COLEC11: variants seen among roughly 807,000 people sequenced by gnomAD.
The protein encoded by COLEC11 is collectin subfamily member 11, also known as collectin-11.
Under a neutral mutation model 27.3 loss-of-function variants are expected in COLEC11, and 20 were observed. The observed-to-expected ratio is 0.73, with a 90% CI of 0.51 to 1.06. The LOEUF (loss-of-function observed/expected upper bound fraction) is 1.06. Ranked by LOEUF, COLEC11 falls within the 50% of genes least tolerant of loss-of-function variation. The pLI, the probability that COLEC11 is intolerant of heterozygous loss-of-function variation, is 0.00. For synonymous variants in COLEC11, 163 were observed against 154.7 expected, an observed-to-expected ratio of 1.05 and a Z score of -0.40; for missense variants, 310 against 383.0, an observed-to-expected ratio of 0.81 and a Z score of 1.59.
intron 2 of COLEC11, chr2:3,606,197 G>A (rs1394551639): frequency 6.5e-7 from 1 of 1,550,384 alleles, no homozygotes; most frequent in African/African-American, 1.4e-5. Context: ...GCCCAATGTG[G>A]TGGGTGCCTC....
chr2:3,630,173 ATGTC>A (rs1664888464), intron 3 of COLEC11, among the ~76,000 whole-genome samples: 1 of 152,082 alleles, frequency 6.6e-6, no homozygotes, highest in Non-Finnish European at 1.5e-5. Context: ...ATGCATATAG[ATGTC>A]TGTGCATGCA....
At chr2:3,641,632 C>G (rs1277462422) in intron 5 of COLEC11, among the ~76,000 whole-genome samples, 1 of 152,190 alleles carries the variant, frequency 6.6e-6, no homozygotes, top group Non-Finnish European at 1.5e-5. Context: ...CAAATTTTAT[C>G]TTAGATAAAA....
intron 3 of COLEC11, among the ~76,000 whole-genome samples, chr2:3,631,115 C>T (rs1245990870): frequency 2.6e-5 from 4 of 151,980 alleles, no homozygotes; most frequent in Non-Finnish European, 5.9e-5. Flanking sequence ...CCTGTAATCC[C>T]AACTACTCAG....
In COLEC11 at chr2:3,606,211, G is replaced by T. The variant is rs1039887039; in HGVS notation, c.130+1741G>T. ...TGCCCAATGTGGTGGGTGCCTCCGA[G>T]TCCCTACGGTTGTCTTCCCTGCGCC... On this transcript the variant is annotated intron_variant, in intron 2 of 6. Transcript: ENST00000349077. The T allele has an allele frequency of 1.9e-6, 3 of 1,550,404 alleles. No individual in the cohort carries two copies. In the African/African-American group the frequency reaches 4.1e-5, roughly 21 times the overall value.
intron 2 of COLEC11, among the ~76,000 whole-genome samples, chr2:3,610,366 G>A (rs1663092659): frequency 6.6e-6 from 1 of 152,244 alleles, no homozygotes; most frequent in Non-Finnish European, 1.5e-5. Context: ...TACGAGTACT[G>A]ATGGAGCACC....
At chr2:3,621,783 CAACTT>C (rs1292259758) in intron 3 of COLEC11, among the ~76,000 whole-genome samples, 7 of 152,200 alleles carry the variant, frequency 4.6e-5, no homozygotes, top group Admixed American at 3.3e-4. Flanking sequence ...AAACTAATAA[CAACTT>C]AACTTTGATC....
rs1049813611 is a variant in COLEC11, at chr2:3,605,005, G to T, written c.130+535G>T. 60 of 469,762 alleles carry T rather than the reference G, an allele frequency of 1.3e-4. No individual in the cohort carries two copies. The Admixed American group carries it at 1.4e-3, about 11-fold the overall frequency. 29.1% of individuals were successfully genotyped at this position (469,762 alleles called of 1,614,324 possible). A position where few individuals can be genotyped will look rare whatever the true frequency, so the allele number is the denominator to read the frequency against. The stretch of plus-strand genomic sequence containing the variant: ...TTGCTTTGTCTGTAATCTGCTCCCG[G>T]ATAGAGATAGTTCTGCAGGTGAGGC... On this transcript the variant is annotated intron_variant, in intron 2 of 6. Coordinates refer to ENST00000349077, the MANE Select transcript of COLEC11 (RefSeq NM_024027.5).
intron 1 of COLEC11, chr2:3,603,583 C>T: frequency 2.6e-6 from 4 of 1,521,680 alleles, no homozygotes; most frequent in Non-Finnish European, 3.6e-6. Context: ...TCCCAAAGTG[C>T]TGGAATTACA....
intron 3 of COLEC11, among the ~76,000 whole-genome samples, chr2:3,615,922 C>T (rs1198197054): frequency 1.1e-4 from 11 of 99,522 alleles, no homozygotes; most frequent in African/African-American, 1.6e-4. Context: ...CCCTCCCGGA[C>T]GGGGGGGCTG....
At chr2:3,622,792 T>C (rs1664274253) in intron 3 of COLEC11, among the ~76,000 whole-genome samples, 1 of 152,162 alleles carries the variant, frequency 6.6e-6, no homozygotes, top group African/African-American at 2.4e-5. Flanking sequence ...TCTAGAACTG[T>C]AAAAAAGAAT....
At chr2:3,620,701 G>T (rs1263076547) in intron 3 of COLEC11, among the ~76,000 whole-genome samples, 1 of 151,910 alleles carries the variant, frequency 6.6e-6, no homozygotes, top group Non-Finnish European at 1.5e-5. Context: ...TTTCCTCTTA[G>T]AATATCTTTT....
rs576789251 is a variant in COLEC11, at chr2:3,598,411, C to T, written c.-27+3243C>T. On this transcript the variant is annotated intron_variant, in intron 1 of 6. Transcript: ENST00000349077. ...TATTTGCGATGCAATTGTGAACTTT[C>T]GTTCTGTTGTTTGTTCCTTTATTTA... 1.8e-4 allele frequency among the ~76,000 whole-genome samples: 28 copies of T among 152,370 alleles called. 3 individuals carry two copies. In the South Asian group the frequency reaches 5.2e-3, roughly 28 times the overall value.
intron 1 of COLEC11, among the ~76,000 whole-genome samples, chr2:3,603,074 G>A (rs1662354399): frequency 6.6e-6 from 1 of 152,242 alleles, no homozygotes; most frequent in Admixed American, 6.5e-5. Context: ...AGGCTGCCAG[G>A]AAGTATCCGG....
rs1666116101 is a variant in COLEC11 at position 3,644,366 on chromosome 2, T to C, written c.*248T>C. On this transcript the variant is annotated 3_prime_UTR_variant, in exon 7 of 7. Transcript: ENST00000349077. ...GTATTGTAGCCCCAATGTCATTATG[T>C]AATTATTACCCAGAATTGCTCTTCC... The C allele has an allele frequency of 1.5e-6, 1 of 672,810 alleles. No homozygotes were observed. The highest frequency in any genetic ancestry group is 2.0e-5 in the Admixed American group (1 of 48,920). The allele number at this position is 672,810 out of a possible 1,614,324, so 41.7% of individuals were successfully genotyped here.
At chr2:3,639,512 A>G (rs1013948702) in intron 4 of COLEC11, among the ~76,000 whole-genome samples, 8 of 152,224 alleles carry the variant, frequency 5.3e-5, no homozygotes, top group African/African-American at 1.7e-4. Context: ...TTCCCTCCTT[A>G]TGCGAATGGA....
At position 3,602,888 on chromosome 2, in the gene COLEC11, A is replaced by C; in HGVS notation, c.-26-1427A>C. 6.6e-6 allele frequency among the ~76,000 whole-genome samples: 1 copy of C among 151,006 alleles called. No individual in the cohort carries two copies. The highest frequency in any genetic ancestry group is 1.5e-5 in the Non-Finnish European group (1 of 67,764). Reference sequence around the variant, plus strand: ...TGTCCCGGCCACTGGACTCTGCCTCACTCTTCCCCACGGCGCTTACCCCTG... The same window carrying C: ...TGTCCCGGCCACTGGACTCTGCCTCCCTCTTCCCCACGGCGCTTACCCCTG... On this transcript the variant is annotated intron_variant, in intron 1 of 6. Coordinates refer to ENST00000349077, the MANE Select transcript of COLEC11 (RefSeq NM_024027.5). The surrounding 1 kb of genome is among the most constrained non-coding windows in gnomAD (Gnocchi z 6.2).
chr2:3,613,256 C>CT (rs1002458310), intron 2 of COLEC11, 55 bp from the exon 3 acceptor site: 2 of 1,550,514 alleles, frequency 1.3e-6, no homozygotes, highest in African/African-American at 2.7e-5. Context: ...ACAAATCACT[C>CT]TGAGACGCTG....
At chr2:3,630,382 T>C (rs929703597) in intron 3 of COLEC11, among the ~76,000 whole-genome samples, 3 of 152,250 alleles carry the variant, frequency 2.0e-5, no homozygotes, top group African/African-American at 7.2e-5. Context: ...TATTTCTCAA[T>C]ATAAGCACCA....
rs201597655 is a variant in COLEC11 at position 3,643,993 on chromosome 2, G to A, written c.691G>A (p.Gly231Ser). 15 of 1,614,124 alleles carry A rather than the reference G, an allele frequency of 9.3e-6. No homozygotes were observed. Among genetic ancestry groups the A allele is most frequent in the Middle Eastern group, 3.3e-4 (2 of 6,062 alleles). ...PMRTFNKWRSGEPNNAYDEED... is the reference protein window; with the variant it reads ...PMRTFNKWRSSEPNNAYDEED... ...GCGGACCTTCAACAAGTGGCGCAGC[G>A]GTGAGCCCAACAATGCCTACGACGA... is the stretch of plus-strand genomic sequence containing the variant. The change falls in exon 7 of 7, where the codon GGT (glycine) becomes AGT (serine). Residue 231 changes from glycine to serine, a missense_variant. Gly to Ser is a moderately conservative substitution (Grantham distance 56). Transcript: ENST00000349077.
Sources: allele counts gnomAD v4.1 joint callset (sites outside exome capture counted in the v4.1 genomes callset), GRCh38; gene constraint gnomAD v4.1.1; non-coding constraint Gnocchi (gnomAD v3.1); transcripts MANE v1.5; gene names NCBI Gene and HGNC (gene_info 2026-07-23, HGNC 2026-07-21).